Variants in PRKD1 observed in about 807,000 individuals in gnomAD.
PRKD1 encodes the protein serine/threonine-protein kinase D1.
Under a neutral mutation model 95.9 loss-of-function variants are expected in PRKD1, and 63 were observed. The observed-to-expected ratio is 0.66, with a 90% CI of 0.54 to 0.81. The LOEUF (loss-of-function observed/expected upper bound fraction) is 0.81, where lower values mean the gene tolerates loss of function less well. Among genes scored for constraint, PRKD1 ranks in the 30% least tolerant of loss-of-function variants. The pLI, the probability that PRKD1 is intolerant of heterozygous loss-of-function variation, is 0.00. For synonymous variants in PRKD1, 425 were observed against 423.1 expected (o/e 1.00, Z -0.05); for missense variants, 1,048 against 1,165.3 (o/e 0.90, Z 1.47).
chr14:29,648,046 GA>G (rs1374420901), intron 4 of PRKD1, among the ~76,000 whole-genome samples: 1 of 152,160 alleles, frequency 6.6e-6, no homozygotes, highest in African/African-American at 2.4e-5. Flanking sequence ...ACAGCAAGAA[GA>G]AAAACAGAAA....
At chr14:29,839,093 GA>G (rs903113287) in intron 1 of PRKD1, among the ~76,000 whole-genome samples, 34 of 149,534 alleles carry the variant, frequency 2.3e-4, no homozygotes, top group East Asian at 1.8e-3. Context: ...ATCAATAAAC[GA>G]AAAAAAAAAT....
At chr14:29,671,969 T>G (rs1486415331) in intron 2 of PRKD1, among the ~76,000 whole-genome samples, 1 of 152,152 alleles carries the variant, frequency 6.6e-6, no homozygotes, top group African/African-American at 2.4e-5. Flanking sequence ...AGGCTAGAAT[T>G]AGTGACCCAG....
intron 1 of PRKD1, among the ~76,000 whole-genome samples, chr14:29,783,368 T>C (rs1889132667): frequency 6.6e-6 from 1 of 152,226 alleles, no homozygotes; most frequent in African/African-American, 2.4e-5. Context: ...GTTGTACATA[T>C]ATTCCACATT....
At chr14:29,842,940 C>A (rs191902683) in intron 1 of PRKD1, among the ~76,000 whole-genome samples, 9 of 152,148 alleles carry the variant, frequency 5.9e-5, no homozygotes, top group African/African-American at 2.2e-4. Context: ...AGACAGTATC[C>A]AAAAGTGAAA....
At chr14:29,690,920 A>T (rs1884195417) in intron 2 of PRKD1, among the ~76,000 whole-genome samples, 1 of 152,072 alleles carries the variant, frequency 6.6e-6, no homozygotes, top group Non-Finnish European at 1.5e-5. Flanking sequence ...TTCCGTGTAG[A>T]TAAATATCTC....
At chr14:29,885,931 T>A (rs1566654796) in intron 1 of PRKD1, among the ~76,000 whole-genome samples, 1 of 151,428 alleles carries the variant, frequency 6.6e-6, no homozygotes, top group Non-Finnish European at 1.5e-5. Flanking sequence ...CGTACCACCA[T>A]GCTCCAGCCT....
At chr14:29,856,498 T>A (rs1892509766) in intron 1 of PRKD1, among the ~76,000 whole-genome samples, 1 of 152,156 alleles carries the variant, frequency 6.6e-6, no homozygotes, top group Non-Finnish European at 1.5e-5. Flanking sequence ...TGAAAGTGTC[T>A]CATGGAGAAG....
At position 29,872,672 on chromosome 14, in the gene PRKD1, GA is replaced by G. The variant is rs935835040; in HGVS notation, c.264+54576del. Among the ~76,000 whole-genome samples, 1,040 of 141,298 alleles carry G rather than the reference GA, an allele frequency of 7.4e-3. 7 individuals carry two copies. The highest frequency in any genetic ancestry group is 0.011 in the Non-Finnish European group (709 of 63,990). 92.7% of individuals were successfully genotyped at this position (141,298 alleles called of 152,430 possible). On this transcript the variant is annotated intron_variant, in intron 1 of 17. Transcript: ENST00000331968. Reference sequence around the variant, plus strand: ...CTTTGTCTCTAAAAAAAAAAAAAAAGAAAAAAAAAATCTCCACACCAAATAT... The same window carrying G: ...CTTTGTCTCTAAAAAAAAAAAAAAAGAAAAAAAAATCTCCACACCAAATAT...
chr14:29,790,792 C>T (rs780859156), intron 1 of PRKD1, among the ~76,000 whole-genome samples: 7 of 152,170 alleles, frequency 4.6e-5, no homozygotes, highest in East Asian at 1.9e-4. Context: ...ACACAAAGCC[C>T]GGTGAACAAC....
At chr14:29,720,039 G>A (rs1486902147) in intron 2 of PRKD1, among the ~76,000 whole-genome samples, 1 of 152,182 alleles carries the variant, frequency 6.6e-6, no homozygotes, top group African/African-American at 2.4e-5. Flanking sequence ...ATTTTCCAAA[G>A]TTAAAGGACC....
intron 1 of PRKD1, among the ~76,000 whole-genome samples, chr14:29,827,083 C>G (rs148825004): frequency 6.7e-6 from 1 of 150,354 alleles, no homozygotes; most frequent in South Asian, 2.1e-4. Context: ...GGGGAAAGGG[C>G]GGGAAAGGAG....
At chr14:29,608,774 C>G (rs1182109058) in intron 13 of PRKD1, among the ~76,000 whole-genome samples, 1 of 152,116 alleles carries the variant, frequency 6.6e-6, no homozygotes, top group East Asian at 1.9e-4. Flanking sequence ...AAAGTGAGAA[C>G]AGAGATCATT....
rs1891119010 is a variant in PRKD1 at position 29,826,456 on chromosome 14, GATGGAATATA to G, written c.264+100783_265-100783del. 2.8e-4 allele frequency among the ~76,000 whole-genome samples: 20 copies of G among 72,086 alleles called. 2 individuals are homozygous for G. The highest frequency in any genetic ancestry group is 1.4e-3 in the Admixed American group (7 of 5,096). The allele number at this position is 72,086 out of a possible 152,430, so 47.3% of individuals were successfully genotyped here. On this transcript the variant is annotated intron_variant, in intron 1 of 17. Transcript: ENST00000331968. ...ATGGAATATATATATACATATATAT[GATGGAATATA>G]TATACATATATATGATGGAATATAT...
chr14:29,705,036 T>A (rs899248362), intron 2 of PRKD1, among the ~76,000 whole-genome samples: 15 of 152,140 alleles, frequency 9.9e-5, no homozygotes, highest in African/African-American at 2.9e-4. Context: ...GTGGAAAATC[T>A]CTGCTTCACA....
At chr14:29,828,423 G>A (rs1020448692) in intron 1 of PRKD1, among the ~76,000 whole-genome samples, 1 of 151,930 alleles carries the variant, frequency 6.6e-6, no homozygotes, top group South Asian at 2.1e-4. Context: ...AATTCACAAG[G>A]GATTCCCCAC....
intron 1 of PRKD1, among the ~76,000 whole-genome samples, chr14:29,916,174 G>A (rs1213302284): frequency 6.6e-6 from 1 of 152,126 alleles, no homozygotes; most frequent in East Asian, 1.9e-4. Flanking sequence ...AGGCTCCTGG[G>A]ATAAGCTTTT....
intron 1 of PRKD1, among the ~76,000 whole-genome samples, chr14:29,855,167 C>G (rs1411116687): frequency 6.6e-6 from 1 of 152,148 alleles, no homozygotes; most frequent in Non-Finnish European, 1.5e-5. Context: ...CTCCAGACCC[C>G]AGAATGGTAA....
chr14:29,905,780 C>A (rs539322146), intron 1 of PRKD1, among the ~76,000 whole-genome samples: 4 of 152,126 alleles, frequency 2.6e-5, no homozygotes, highest in African/African-American at 7.2e-5. Flanking sequence ...TAAAATACAG[C>A]GGGTATGTAT....
At chr14:29,721,674 G>GT (rs1049776296) in intron 2 of PRKD1, among the ~76,000 whole-genome samples, 3 of 150,810 alleles carry the variant, frequency 2.0e-5, no homozygotes, top group African/African-American at 7.3e-5. Context: ...CTTCACTCTG[G>GT]TAAAAAAAAA....
Sources: allele counts gnomAD v4.1 joint callset (sites outside exome capture counted in the v4.1 genomes callset), GRCh38; gene constraint gnomAD v4.1.1; transcripts MANE v1.5; gene names NCBI Gene and HGNC (gene_info 2026-07-23, HGNC 2026-07-21).